The following SLC4A8 variants were observed in gnomAD, a reference collection of about 807,000 sequenced individuals.
SLC4A8 encodes electroneutral sodium bicarbonate exchanger 1.
SLC4A8 carries 40 observed loss-of-function variants against 125.0 expected under a neutral mutation model. That is an observed-to-expected ratio of 0.32 (90% CI 0.25 to 0.42). SLC4A8 has a LOEUF of 0.42. SLC4A8 is among the 10% of genes least tolerant of loss of function. The probability of loss-of-function intolerance (pLI) is 1.00; values close to 1 mark genes in which losing one functional copy is unlikely to be tolerated. For synonymous variants in SLC4A8, 456 were observed against 476.0 expected, an observed-to-expected ratio of 0.96 and a Z score of 0.55; for missense variants, 863 against 1,355.1, an observed-to-expected ratio of 0.64 and a Z score of 5.70.
intron 16 of SLC4A8, among the ~76,000 whole-genome samples, chr12:51,484,016 G>C (rs1951099821): frequency 6.6e-6 from 1 of 152,090 alleles, no homozygotes; most frequent in Non-Finnish European, 1.5e-5. Context: ...GTGATAGTTT[G>C]CTCAGAATGA....
chr12:51,439,268 G>A (rs530136854), intron 1 of SLC4A8, among the ~76,000 whole-genome samples: 4 of 152,068 alleles, frequency 2.6e-5, no homozygotes, highest in Admixed American at 6.5e-5. Flanking sequence ...TGTTGGTCAG[G>A]CCAGTCTTGA....
chr12:51,438,397 TG>T (rs1393508876), intron 1 of SLC4A8, among the ~76,000 whole-genome samples: 1 of 152,248 alleles, frequency 6.6e-6, no homozygotes, highest in Non-Finnish European at 1.5e-5. Context: ...TTTCTGTTCC[TG>T]GCTTATTTCA....
At chr12:51,418,998 TG>T (rs1431003906) in intron 1 of SLC4A8, among the ~76,000 whole-genome samples, 1 of 152,160 alleles carries the variant, frequency 6.6e-6, no homozygotes, top group East Asian at 1.9e-4. Context: ...CCTGGGCTTT[TG>T]CTGGTGGGGG....
chr12:51,460,028 G>A lies in SLC4A8; in HGVS notation c.933G>A (p.Leu311=), dbSNP rs1245315568. Residue 311 remains leucine, a synonymous_variant, in exon 8 of 25, where the codon TTG becomes TTA. Transcript: ENST00000453097. ...SNVLVGEVDI[L]DRPIVAFVRL... is the part of the protein sequence containing the mutation. ...TCCTGGTTGGAGAGGTGGATATTTT[G>A]GACCGTCCCATTGTTGCCTTTGTGA... 3.1e-6 allele frequency: 5 copies of A among 1,613,302 alleles called. No individual in the cohort carries two copies. Among genetic ancestry groups the A allele is most frequent in the Non-Finnish European group, 4.2e-6 (5 of 1,179,386 alleles).
At position 51,464,281 on chromosome 12, in the gene SLC4A8, G is replaced by T. The variant is rs554764532; in HGVS notation, c.1349+567G>T. ...AGTAGGCTCTCAATGTCTGCCAAAT[G>T]AATGAATATTTTTAGAATAATGTCT... On this transcript the variant is annotated intron_variant, in intron 11 of 24. Transcript: ENST00000453097. 5.3e-5 allele frequency among the ~76,000 whole-genome samples: 8 copies of T among 152,308 alleles called. No homozygotes were observed. In the South Asian group the frequency reaches 8.3e-4, roughly 16 times the overall value.
chr12:51,501,118 C>G (rs776139782), intron 22 of SLC4A8, among the ~76,000 whole-genome samples: 1 of 152,100 alleles, frequency 6.6e-6, no homozygotes. Context: ...CGTGAGCCAC[C>G]GTGCCCGGCC....
At chr12:51,419,648 G>A (rs1045085668) in intron 1 of SLC4A8, among the ~76,000 whole-genome samples, 2 of 151,900 alleles carry the variant, frequency 1.3e-5, no homozygotes, top group African/African-American at 4.8e-5. Context: ...GATGACAACC[G>A]TTTTTTTTAC....
At chr12:51,502,881 A>G (rs10876190) in intron 22 of SLC4A8, among the ~76,000 whole-genome samples, 131,344 of 143,226 alleles carry the variant, frequency 0.92, 60,119 homozygotes, top group Non-Finnish European at 0.95. Context: ...CTCTGTCGTC[A>G]CCCAGGCTGG....
chr12:51,443,809 C>A (rs1164556268), intron 2 of SLC4A8, among the ~76,000 whole-genome samples: 2 of 152,192 alleles, frequency 1.3e-5, no homozygotes, highest in African/African-American at 2.4e-5. Flanking sequence ...CTAATGAGCT[C>A]TGTGTGAGTG....
intron 16 of SLC4A8, among the ~76,000 whole-genome samples, chr12:51,478,604 T>C (rs1307666256): frequency 6.6e-6 from 1 of 152,230 alleles, no homozygotes; most frequent in African/African-American, 2.4e-5. Context: ...CCTACTGCTC[T>C]GCACCAAATT....
chr12:51,396,308 A>G (rs1948259950), intron 1 of SLC4A8, among the ~76,000 whole-genome samples: 1 of 152,194 alleles, frequency 6.6e-6, no homozygotes, highest in Non-Finnish European at 1.5e-5. Flanking sequence ...TACAAGGATA[A>G]TAAGTCATGT....
intron 11 of SLC4A8, among the ~76,000 whole-genome samples, chr12:51,467,872 A>G (rs1032060896): frequency 1.3e-5 from 2 of 152,166 alleles, no homozygotes; most frequent in African/African-American, 2.4e-5. Flanking sequence ...TTAGGACATT[A>G]AAAAAATTAT....
chr12:51,401,022 G>T (rs1948381368), intron 1 of SLC4A8, among the ~76,000 whole-genome samples: 1 of 151,472 alleles, frequency 6.6e-6, no homozygotes, highest in Admixed American at 6.6e-5. Flanking sequence ...TTAGGGCCCG[G>T]CTGCTGAAAT....
In SLC4A8 at chr12:51,425,251, C is replaced by T; in HGVS notation, c.48+216C>T. On this transcript the variant is annotated intron_variant, in intron 1 of 24. Coordinates refer to ENST00000453097, the MANE Select transcript of SLC4A8 (RefSeq NM_001039960.3). ...ACCTTGGGCCGAACCTGGGATCTGG[C>T]CCATCTCTGCCGCATCCCTTGCGCC... 2.2e-6 allele frequency: 3 copies of T among 1,351,542 alleles called. No homozygotes were observed. The South Asian group carries it at 5.4e-5, about 24-fold the overall frequency. The allele number at this position is 1,351,542 out of a possible 1,614,324, so 83.7% of individuals were successfully genotyped here. A position where few individuals can be genotyped will look rare whatever the true frequency, so the allele number is the denominator to read the frequency against.
intron 11 of SLC4A8, among the ~76,000 whole-genome samples, chr12:51,464,249 T>C (rs1382617768): frequency 6.6e-6 from 1 of 152,232 alleles, no homozygotes; most frequent in African/African-American, 2.4e-5. Flanking sequence ...CACAGTGCCC[T>C]GAACAGAGTA....
intron 1 of SLC4A8, among the ~76,000 whole-genome samples, chr12:51,428,344 C>T (rs961332443): frequency 2.6e-5 from 4 of 152,156 alleles, no homozygotes; most frequent in Admixed American, 2.6e-4. Context: ...AAAATCTTCT[C>T]ACCTAGCACA....
intron 1 of SLC4A8, among the ~76,000 whole-genome samples, chr12:51,430,554 T>A (rs1390168408): frequency 6.6e-6 from 1 of 152,126 alleles, no homozygotes; most frequent in Non-Finnish European, 1.5e-5. Flanking sequence ...GTGGGCATTC[T>A]TTTTATCTGG....
chr12:51,395,704 T>A (rs1592133845), intron 1 of SLC4A8, among the ~76,000 whole-genome samples: 1 of 152,154 alleles, frequency 6.6e-6, no homozygotes. Flanking sequence ...GGCCAGCTGG[T>A]CAACCTCCCT....
intron 23 of SLC4A8, 31 bp from the exon 24 acceptor site, chr12:51,505,804 T>A (rs1324561573): frequency 2.1e-6 from 2 of 970,022 alleles, no homozygotes; most frequent in African/African-American, 1.6e-5. Flanking sequence ...CTTGTATGTC[T>A]GACATTCACT....
Sources: allele counts gnomAD v4.1 joint callset (sites outside exome capture counted in the v4.1 genomes callset), GRCh38; gene constraint gnomAD v4.1.1; transcripts MANE v1.5; gene names NCBI Gene and HGNC (gene_info 2026-07-23, HGNC 2026-07-21).